SHTN1: variants seen among roughly 807,000 people sequenced by gnomAD.
The protein encoded by SHTN1 is shootin 1, also known as shootin-1.
Under a neutral mutation model 83.1 loss-of-function variants are expected in SHTN1, and 42 were observed. That is an observed-to-expected ratio of 0.51 (90% CI 0.39 to 0.65). SHTN1 has a LOEUF of 0.65. Ranked by LOEUF, SHTN1 falls within the 30% of genes least tolerant of loss-of-function variation. SHTN1 has a pLI of 0.00. For missense variants in SHTN1, 622 were observed against 737.8 expected (o/e 0.84, Z 1.82); for synonymous variants, 224 against 247.7 (o/e 0.90, Z 0.90).
intron 2 of SHTN1, among the ~76,000 whole-genome samples, chr10:116,976,233 C>T (rs1045325727): frequency 6.6e-6 from 1 of 152,160 alleles, no homozygotes; most frequent in Non-Finnish European, 1.5e-5. Flanking sequence ...CAGCTTCTTA[C>T]ACCATGCAGC....
chr10:116,944,284 G>A (rs1443350351), intron 8 of SHTN1, among the ~76,000 whole-genome samples: 1 of 152,056 alleles, frequency 6.6e-6, no homozygotes, highest in Non-Finnish European at 1.5e-5. Context: ...CCCTTACATA[G>A]CATTTTATAG....
intron 1 of SHTN1, among the ~76,000 whole-genome samples, chr10:117,116,649 C>CA (rs1312024733): frequency 6.6e-6 from 1 of 151,902 alleles, no homozygotes; most frequent in Non-Finnish European, 1.5e-5. Context: ...AACATAGATG[C>CA]AAAAATCCTC....
At position 116,928,397 on chromosome 10, in the gene SHTN1, C is replaced by T. The variant is rs528626737; in HGVS notation, c.1013-506G>A. The stretch of plus-strand genomic sequence containing the variant: ...CAGATTCAGCTTCCTAAATCTGTAA[C>T]TCAGAAACTTTTTGCTCTTTTGAAG... On this transcript the variant is annotated intron_variant, in intron 10 of 16. Coordinates refer to ENST00000355371, the MANE Select transcript of SHTN1 (RefSeq NM_001127211.3). Among the ~76,000 whole-genome samples the T allele has an allele frequency of 7.4e-4, 112 of 152,312 alleles. 2 individuals are homozygous for T. The South Asian group carries it at 0.022, about 30-fold the overall frequency.
chr10:116,952,974 GC>G (rs1201128214), intron 5 of SHTN1, among the ~76,000 whole-genome samples: 1 of 152,172 alleles, frequency 6.6e-6, no homozygotes, highest in African/African-American at 2.4e-5. Flanking sequence ...AGAATAATGA[GC>G]AAAGGGAACT....
At chr10:116,903,270 T>C (rs554127357) in intron 15 of SHTN1, among the ~76,000 whole-genome samples, 6 of 152,290 alleles carry the variant, frequency 3.9e-5, no homozygotes, top group Non-Finnish European at 8.8e-5. Flanking sequence ...TGGTGGCTCA[T>C]GCCTGTAATC....
chr10:116,978,238 A>G (rs1455328066), intron 2 of SHTN1, among the ~76,000 whole-genome samples: 1 of 152,184 alleles, frequency 6.6e-6, no homozygotes, highest in East Asian at 1.9e-4. Context: ...ATATAATTCT[A>G]AAGAGCCCAA....
intron 1 of SHTN1, among the ~76,000 whole-genome samples, chr10:117,051,494 C>T (rs932285306): frequency 1.2e-4 from 18 of 152,092 alleles, no homozygotes; most frequent in Non-Finnish European, 2.5e-4. Flanking sequence ...CCCTTATGAA[C>T]ACAGAAGCAA....
intron 1 of SHTN1, among the ~76,000 whole-genome samples, chr10:117,084,901 A>G (rs1329212637): frequency 6.6e-6 from 1 of 152,044 alleles, no homozygotes; most frequent in Non-Finnish European, 1.5e-5. Context: ...CGGCTCGCGC[A>G]CGGTGCGCGC....
rs1245965937 is a variant in SHTN1, at chr10:116,922,632, A to G, written c.1113-1116T>C. On this transcript the variant is annotated intron_variant, in intron 11 of 16. Coordinates refer to ENST00000355371, the MANE Select transcript of SHTN1 (RefSeq NM_001127211.3). ...GTGAATTATATATCACTGAATATGA[A>G]TAGACTTAAGCTACACAACATGGAT... Among the ~76,000 whole-genome samples the G allele has an allele frequency of 2.6e-5, 4 of 152,182 alleles. No individual in the cohort carries two copies. In the East Asian group the frequency reaches 7.7e-4, roughly 29 times the overall value.
intron 2 of SHTN1, among the ~76,000 whole-genome samples, chr10:117,016,307 G>C (rs532633177): frequency 1.3e-5 from 2 of 152,272 alleles, no homozygotes; most frequent in South Asian, 4.1e-4. Flanking sequence ...AATTTGGCTT[G>C]ATTTAGATGG....
chr10:117,000,476 A>G (rs143646483), intron 1 of SHTN1, among the ~76,000 whole-genome samples: 35 of 152,310 alleles, frequency 2.3e-4, no homozygotes, highest in African/African-American at 7.5e-4. Context: ...TTGCTTTAAA[A>G]CCAATTACCT....
intron 2 of SHTN1, among the ~76,000 whole-genome samples, chr10:117,019,831 A>C (rs1852233991): frequency 1.3e-5 from 2 of 151,816 alleles, no homozygotes; most frequent in African/African-American, 4.8e-5. Context: ...TGTCTCAAAA[A>C]AAAAAAAAAG....
At chr10:117,042,339 AAAG>A (rs1274469506) in intron 2 of SHTN1, among the ~76,000 whole-genome samples, 1 of 152,150 alleles carries the variant, frequency 6.6e-6, no homozygotes, top group Non-Finnish European at 1.5e-5. Context: ...ATTCCACAGA[AAAG>A]AATATATATT....
At chr10:116,887,429 T>C (rs1464907566) in intron 16 of SHTN1, among the ~76,000 whole-genome samples, 1 of 152,106 alleles carries the variant, frequency 6.6e-6, no homozygotes, top group African/African-American at 2.4e-5. Flanking sequence ...TTTCTGGTCT[T>C]TTTGGAAAAT....
chr10:116,892,341 C>T (rs188132062), intron 16 of SHTN1, among the ~76,000 whole-genome samples: 1 of 152,284 alleles, frequency 6.6e-6, no homozygotes, highest in Admixed American at 6.5e-5. Context: ...ACTGACAATG[C>T]GTGAACTACG....
intron 1 of SHTN1, among the ~76,000 whole-genome samples, chr10:117,112,126 C>T (rs181869196): frequency 7.9e-5 from 12 of 152,160 alleles, no homozygotes; most frequent in Non-Finnish European, 1.6e-4. Flanking sequence ...CCACCATGCC[C>T]GGCTAATTTT....
intron 2 of SHTN1, among the ~76,000 whole-genome samples, chr10:117,040,946 T>A (rs968935818): frequency 1.3e-5 from 2 of 151,904 alleles, no homozygotes; most frequent in Non-Finnish European, 2.9e-5. Context: ...TTTTATTTTA[T>A]CTTAAAATTT....
intron 3 of SHTN1, among the ~76,000 whole-genome samples, chr10:116,960,798 G>A (rs895245419): frequency 4.6e-5 from 7 of 152,106 alleles, no homozygotes; most frequent in Non-Finnish European, 8.8e-5. Flanking sequence ...AAGTATAGCA[G>A]TAAGATTTAT....
intron 1 of SHTN1, among the ~76,000 whole-genome samples, chr10:116,998,585 T>C (rs1851716688): frequency 6.6e-6 from 1 of 152,126 alleles, no homozygotes; most frequent in Non-Finnish European, 1.5e-5. Context: ...ATATATAGGG[T>C]TTGTTATTAT....
Sources: gnomAD v4.1 joint callset for allele counts (sites outside exome capture counted in the v4.1 genomes callset) on GRCh38, gnomAD v4.1.1 for gene constraint, MANE v1.5 for transcripts, NCBI Gene and HGNC (gene_info 2026-07-23, HGNC 2026-07-21) for gene names.